RABGAP1L: variants seen among roughly 807,000 people sequenced by gnomAD.
RABGAP1L encodes rab GTPase-activating protein 1-like.
RABGAP1L carries 63 observed loss-of-function variants against 137.7 expected under a neutral mutation model. The observed-to-expected ratio is 0.46, with a 90% CI of 0.37 to 0.56. The LOEUF (loss-of-function observed/expected upper bound fraction) is 0.56, where lower values mean the gene tolerates loss of function less well. Among genes scored for constraint, RABGAP1L ranks in the 20% least tolerant of loss-of-function variants. RABGAP1L has a pLI of 0.00. For missense variants in RABGAP1L, 1,095 were observed against 1,244.0 expected, an observed-to-expected ratio of 0.88 and a Z score of 1.80; for synonymous variants, 431 against 433.7, an observed-to-expected ratio of 0.99 and a Z score of 0.08.
intron 10 of RABGAP1L, among the ~76,000 whole-genome samples, chr1:174,297,454 T>C (rs778642891): frequency 6.6e-6 from 1 of 152,216 alleles, no homozygotes; most frequent in Non-Finnish European, 1.5e-5. Flanking sequence ...GCCAGGTTCC[T>C]CCTGCTGCAA....
intron 13 of RABGAP1L, among the ~76,000 whole-genome samples, chr1:174,406,291 T>G (rs1051114478): frequency 2.0e-5 from 3 of 152,310 alleles, no homozygotes; most frequent in East Asian, 3.9e-4. Flanking sequence ...AGTATTTTCA[T>G]GTACTTAAGT....
intron 8 of RABGAP1L, among the ~76,000 whole-genome samples, chr1:174,275,393 G>A (rs960129903): frequency 1.3e-5 from 2 of 151,966 alleles, no homozygotes; most frequent in African/African-American, 4.8e-5. Flanking sequence ...TAGAATATTA[G>A]AAGAAAAATA....
At chr1:174,705,006 G>T (rs912563649) in intron 17 of RABGAP1L, among the ~76,000 whole-genome samples, 1 of 151,994 alleles carries the variant, frequency 6.6e-6, no homozygotes, top group African/African-American at 2.4e-5. Context: ...AGGAAAGTGG[G>T]GGTATGACAT....
At chr1:174,857,306 A>G (rs961894758) in intron 19 of RABGAP1L, among the ~76,000 whole-genome samples, 2 of 152,204 alleles carry the variant, frequency 1.3e-5, no homozygotes, top group African/African-American at 4.8e-5. Context: ...TGCACACACC[A>G]TTAGAGACAT....
intron 4 of RABGAP1L, 82 bp from the exon 5 acceptor site, chr1:174,241,401 T>TAA (rs879243049): frequency 3.4e-4 from 242 of 719,730 alleles, no homozygotes; most frequent in Non-Finnish European, 3.8e-4. Flanking sequence ...TCTTTTTTTT[T>TAA]AAAAAAAAAA....
At chr1:174,979,019 G>GA (rs1282461313) in intron 23 of RABGAP1L, 129 bp downstream of exon 23, 7 of 1,268,284 alleles carry the variant, frequency 5.5e-6, no homozygotes, top group East Asian at 6.5e-5. Context: ...TATCTACAAG[G>GA]AAAAAAAATT....
intron 20 of RABGAP1L, among the ~76,000 whole-genome samples, chr1:174,961,781 G>A (rs1374960293): frequency 1.3e-5 from 2 of 150,818 alleles, no homozygotes; most frequent in African/African-American, 4.9e-5. Flanking sequence ...GGGAGGGGGA[G>A]GTTGCAGTGA....
intron 11 of RABGAP1L, among the ~76,000 whole-genome samples, chr1:174,349,710 A>G (rs1298576605): frequency 2.0e-4 from 20 of 99,288 alleles, no homozygotes; most frequent in East Asian, 1.5e-3. Flanking sequence ...CCTCCCGGAC[A>G]GGGCGGCTGG....
At chr1:174,805,207 C>CAT (rs1689172257) in intron 18 of RABGAP1L, among the ~76,000 whole-genome samples, 1 of 152,138 alleles carries the variant, frequency 6.6e-6, no homozygotes, top group South Asian at 2.1e-4. Context: ...TTGCTTAATT[C>CAT]ATATCACTGG....
chr1:174,482,952 C>T (rs532739293), intron 13 of RABGAP1L, among the ~76,000 whole-genome samples: 1 of 152,176 alleles, frequency 6.6e-6, no homozygotes, highest in African/African-American at 2.4e-5. Context: ...TGTCTTTATT[C>T]ATTCTAAGAA....
chr1:174,397,379 A>T (rs548337201), intron 13 of RABGAP1L, among the ~76,000 whole-genome samples: 77 of 152,218 alleles, frequency 5.1e-4, no homozygotes, highest in African/African-American at 1.8e-3. Context: ...GCCTCTGGGC[A>T]TTTCATTCTC....
rs183192586 is a variant in RABGAP1L, at chr1:174,597,763, C to G, written c.1711-39612C>G. Among the ~76,000 whole-genome samples the G allele has an allele frequency of 4.5e-3, 688 of 152,038 alleles. 1 individual carries two copies. Among genetic ancestry groups the G allele is most frequent in the Admixed American group, 7.2e-3 (110 of 15,276 alleles). ...CTTTCATCTTAGTTATTTCTTTGTT[C>G]TACATTTTAATGTAGGCACTTACTG... On this transcript the variant is annotated intron_variant, in intron 13 of 25. Coordinates refer to ENST00000681986, the MANE Select transcript of RABGAP1L (RefSeq NM_001366446.1).
chr1:174,735,498 G>A (rs962720161), intron 17 of RABGAP1L, among the ~76,000 whole-genome samples: 2 of 150,480 alleles, frequency 1.3e-5, no homozygotes, highest in African/African-American at 4.9e-5. Flanking sequence ...TGTAATCCCA[G>A]CACTTTTGGA....
chr1:174,802,955 T>C (rs1352655340), intron 18 of RABGAP1L, among the ~76,000 whole-genome samples: 1 of 152,262 alleles, frequency 6.6e-6, no homozygotes, highest in Non-Finnish European at 1.5e-5. Flanking sequence ...GAGGAAGTAC[T>C]AAAGTGTAAA....
intron 13 of RABGAP1L, among the ~76,000 whole-genome samples, chr1:174,495,897 T>G (rs780537160): frequency 1.3e-5 from 2 of 152,292 alleles, no homozygotes; most frequent in African/African-American, 4.8e-5. Context: ...ACTTATTTTA[T>G]TTTTTAGAGA....
At chr1:174,242,214 A>G (rs1022690240) in intron 5 of RABGAP1L, among the ~76,000 whole-genome samples, 3 of 152,246 alleles carry the variant, frequency 2.0e-5, no homozygotes, top group Admixed American at 6.5e-5. Context: ...AACAACTTGT[A>G]GTCCTTTGAA....
intron 19 of RABGAP1L, among the ~76,000 whole-genome samples, chr1:174,926,566 T>C (rs1662871391): frequency 6.6e-6 from 1 of 152,008 alleles, no homozygotes; most frequent in African/African-American, 2.4e-5. Context: ...TGCTAGTGTA[T>C]AGACATACTA....
chr1:174,749,302 C>CTT (rs33999378), intron 17 of RABGAP1L, among the ~76,000 whole-genome samples: 2 of 147,266 alleles, frequency 1.4e-5, no homozygotes, highest in African/African-American at 4.9e-5. Context: ...AAAATGTTAT[C>CTT]TTTTTTTTTT....
At chr1:174,344,989 C>T (rs1222866487) in intron 11 of RABGAP1L, among the ~76,000 whole-genome samples, 2 of 152,146 alleles carry the variant, frequency 1.3e-5, no homozygotes, top group Non-Finnish European at 2.9e-5. Context: ...TGCCTAGTTT[C>T]ATCCCTCTGC....
Sources: gnomAD v4.1 joint callset for allele counts (sites outside exome capture counted in the v4.1 genomes callset) on GRCh38, gnomAD v4.1.1 for gene constraint, MANE v1.5 for transcripts, NCBI Gene and HGNC (gene_info 2026-07-23, HGNC 2026-07-21) for gene names.